The following DRC11 variants were observed in gnomAD, a reference collection of about 807,000 sequenced individuals.
DRC11 encodes dynein regulatory complex subunit 11.
the DRC11 span, among the ~76,000 whole-genome samples, chr2:236,370,286 T>C: frequency 6.6e-6 from 1 of 152,180 alleles, no homozygotes; most frequent in Admixed American, 6.5e-5. The surrounding 1 kb of genome is among the most constrained non-coding windows in gnomAD (Gnocchi z 5.5). Context: ...GGGTGCTCCA[T>C]CCAGCCACTT....
At chr2:236,472,739 ACT>A in the DRC11 span, among the ~76,000 whole-genome samples, 1 of 152,112 alleles carries the variant, frequency 6.6e-6, no homozygotes, top group Non-Finnish European at 1.5e-5. The surrounding 1 kb of genome is among the most constrained non-coding windows in gnomAD (Gnocchi z 4.6). Context: ...AATAGGTAGC[ACT>A]CTCCAGCCCC....
At chr2:236,473,160 A>G in the DRC11 span, among the ~76,000 whole-genome samples, 1 of 152,258 alleles carries the variant, frequency 6.6e-6, no homozygotes, top group East Asian at 1.9e-4. This position sits in a 1 kb window ranked among gnomAD's most constrained non-coding sequence, Gnocchi z 4.8. Context: ...TAGACTACAT[A>G]GTTTCATTTC....
the DRC11 span, among the ~76,000 whole-genome samples, chr2:236,406,875 A>G: frequency 5.9e-5 from 9 of 151,800 alleles, no homozygotes; most frequent in Non-Finnish European, 1.0e-4. The surrounding 1 kb of genome is among the most constrained non-coding windows in gnomAD (Gnocchi z 4.7). Context: ...CCTCCCAAGT[A>G]GCTGGGACTA....
the DRC11 span, among the ~76,000 whole-genome samples, chr2:236,500,587 C>A: frequency 6.6e-6 from 1 of 152,190 alleles, no homozygotes; most frequent in Admixed American, 6.5e-5. This position sits in a 1 kb window ranked among gnomAD's most constrained non-coding sequence, Gnocchi z 6.3. Context: ...AAAGAGCACT[C>A]TTCCAGACCA....
chr2:236,352,622 C>G, the DRC11 span, among the ~76,000 whole-genome samples: 1 of 152,182 alleles, frequency 6.6e-6, no homozygotes, highest in Non-Finnish European at 1.5e-5. The surrounding 1 kb of genome is among the most constrained non-coding windows in gnomAD (Gnocchi z 7.0). Context: ...AACAACACCT[C>G]TTCTCCCTCC....
chr2:236,487,619 C>T, the DRC11 span, among the ~76,000 whole-genome samples: 1 of 152,120 alleles, frequency 6.6e-6, no homozygotes, highest in African/African-American at 2.4e-5. Context: ...ATGGCTGCTG[C>T]ATGTTTCTGG....
the DRC11 span, among the ~76,000 whole-genome samples, chr2:236,407,043 C>T: frequency 6.6e-6 from 1 of 152,214 alleles, no homozygotes; most frequent in African/African-American, 2.4e-5. Flanking sequence ...CCGCGCCCAG[C>T]CACATCTCCA....
the DRC11 span, among the ~76,000 whole-genome samples, chr2:236,351,474 G>A: frequency 6.6e-6 from 1 of 152,238 alleles, no homozygotes; most frequent in Non-Finnish European, 1.5e-5. The surrounding 1 kb of genome is among the most constrained non-coding windows in gnomAD (Gnocchi z 7.3). Context: ...TGGGGCACAT[G>A]GGGAGCACCT....
the DRC11 span, among the ~76,000 whole-genome samples, chr2:236,405,412 CTG>C: frequency 6.1e-3 from 922 of 151,848 alleles, 9 homozygotes; most frequent in African/African-American, 0.021. The surrounding 1 kb of genome is among the most constrained non-coding windows in gnomAD (Gnocchi z 4.6). Flanking sequence ...TTTTTGCAAA[CTG>C]AGCCATTTCC....
chr2:236,491,192 A>ATATATATATATATACACACAG, the DRC11 span, among the ~76,000 whole-genome samples: 5 of 49,670 alleles, frequency 1.0e-4, no homozygotes, highest in Admixed American at 6.0e-4. Flanking sequence ...CACACAGTAT[A>ATATATATATATATACACACAG]TATATATATA....
At chr2:236,356,684 C>A in the DRC11 span, among the ~76,000 whole-genome samples, 1 of 151,932 alleles carries the variant, frequency 6.6e-6, no homozygotes, top group East Asian at 1.9e-4. Flanking sequence ...AACGCCTTAG[C>A]ATGTGCCTGA....
the DRC11 span, among the ~76,000 whole-genome samples, chr2:236,444,293 G>T: frequency 4.6e-5 from 7 of 152,198 alleles, no homozygotes; most frequent in South Asian, 2.1e-4. Flanking sequence ...GTATTGCCTA[G>T]ATTAAATAAA....
At chr2:236,384,878 T>C in the DRC11 span, among the ~76,000 whole-genome samples, 1 of 151,984 alleles carries the variant, frequency 6.6e-6, no homozygotes, top group Admixed American at 6.6e-5. Context: ...TTTCTACATA[T>C]GGCTAGCCAG....
the DRC11 span, among the ~76,000 whole-genome samples, chr2:236,342,660 A>T: frequency 6.6e-6 from 1 of 151,042 alleles, no homozygotes; most frequent in Non-Finnish European, 1.5e-5. The surrounding 1 kb of genome is among the most constrained non-coding windows in gnomAD (Gnocchi z 5.8). Context: ...GGGCATGCAC[A>T]CGCAATGGTT....
At chr2:236,431,306 G>C in the DRC11 span, among the ~76,000 whole-genome samples, 1 of 152,156 alleles carries the variant, frequency 6.6e-6, no homozygotes, top group Non-Finnish European at 1.5e-5. The surrounding 1 kb of genome is among the most constrained non-coding windows in gnomAD (Gnocchi z 4.2). Flanking sequence ...GTTCCACATG[G>C]CTGGGAAGGC....
At chr2:236,414,073 A>G in the DRC11 span, among the ~76,000 whole-genome samples, 22 of 152,356 alleles carry the variant, frequency 1.4e-4, no homozygotes, top group Admixed American at 1.3e-3. Context: ...TTTAAAACTG[A>G]GAACTCAAAA....
At chr2:236,486,791 T>C in the DRC11 span, 10 of 1,371,514 alleles carry the variant, frequency 7.3e-6, no homozygotes, top group Non-Finnish European at 1.0e-5. This position sits in a 1 kb window ranked among gnomAD's most constrained non-coding sequence, Gnocchi z 5.7. Context: ...TCTATTGTCT[T>C]TAAGAAAACC....
the DRC11 span, among the ~76,000 whole-genome samples, chr2:236,491,162 T>G: frequency 1.8e-5 from 1 of 54,208 alleles, no homozygotes; most frequent in Non-Finnish European, 3.4e-5. Flanking sequence ...ACACACAGTA[T>G]ATATATATAT....
chr2:236,341,452 A>G, the DRC11 span, among the ~76,000 whole-genome samples: 5 of 152,302 alleles, frequency 3.3e-5, no homozygotes, highest in Admixed American at 1.3e-4. Flanking sequence ...GAGTGGAGGT[A>G]CTTGGAGTTT....
Sources: gnomAD v4.1 joint callset for allele counts (sites outside exome capture counted in the v4.1 genomes callset) on GRCh38, gnomAD v4.1.1 for gene constraint, Gnocchi (gnomAD v3.1) non-coding constraint, MANE v1.5 for transcripts, NCBI Gene and HGNC (gene_info 2026-07-23, HGNC 2026-07-21) for gene names.